The following HTR2C variants were observed in gnomAD, a reference collection of about 807,000 sequenced individuals.
The protein encoded by HTR2C is 5-hydroxytryptamine (serotonin) receptor 2C, G protein-coupled.
HTR2C carries 5 observed loss-of-function variants against 21.0 expected under a neutral mutation model. That is an observed-to-expected ratio of 0.24 (90% CI 0.12 to 0.50). The LOEUF (loss-of-function observed/expected upper bound fraction) is 0.50, where lower values mean the gene tolerates loss of function less well. Ranked by LOEUF, HTR2C falls within the 20% of genes least tolerant of loss-of-function variation. The probability of loss-of-function intolerance (pLI) is 0.98; values close to 1 mark genes in which losing one functional copy is unlikely to be tolerated. For missense variants in HTR2C, 271 were observed against 371.2 expected (o/e 0.73, Z 2.22); for synonymous variants, 150 against 145.3 (o/e 1.03, Z -0.23).
intron 1 of HTR2C, among the ~76,000 whole-genome samples, chrX:114,597,218 CAAAA>C (rs782280036): frequency 9.1e-5 from 4 of 44,167 alleles, no homozygotes; most frequent in African/African-American, 9.2e-5. Context: ...ATTTCATCTC[CAAAA>C]AAAAAAAAAA....
intron 4 of HTR2C, among the ~76,000 whole-genome samples, chrX:114,820,837 C>A (rs1556455993): frequency 9.0e-6 from 1 of 111,005 alleles, no homozygotes; most frequent in Non-Finnish European, 1.9e-5. Context: ...ATGTCTTTAG[C>A]AGTAGCATGA....
chrX:114,775,286 A>G, intron 4 of HTR2C: 5 of 524,609 alleles, frequency 9.5e-6, no homozygotes, highest in Non-Finnish European at 1.7e-5. Context: ...CTTTTCCTAC[A>G]CTCTTGTCCA....
intron 4 of HTR2C, among the ~76,000 whole-genome samples, chrX:114,833,001 A>T (rs375311009): frequency 4.0e-4 from 34 of 85,938 alleles, no homozygotes; most frequent in African/African-American, 1.2e-3. Flanking sequence ...CTGGATTACA[A>T]TTATTGATTT....
chrX:114,645,714 A>G (rs1195181502), intron 2 of HTR2C, among the ~76,000 whole-genome samples: 1 of 111,850 alleles, frequency 8.9e-6, no homozygotes. Context: ...AAAATGCAAA[A>G]GATTGTGGTG....
chrX:114,587,667 A>G (rs930526808), intron 1 of HTR2C, among the ~76,000 whole-genome samples: 2 of 111,953 alleles, frequency 1.8e-5, no homozygotes, highest in Non-Finnish European at 3.8e-5. Flanking sequence ...TTTCATCTAC[A>G]TATTGTACTG....
chrX:114,690,679 A>G (rs1401417995), intron 2 of HTR2C, among the ~76,000 whole-genome samples: 1 of 111,770 alleles, frequency 8.9e-6, no homozygotes. Context: ...CTGGGATAAT[A>G]GGGCAGGTGC....
At chrX:114,718,997 T>TATAATATA (rs1290899891) in intron 2 of HTR2C, among the ~76,000 whole-genome samples, 2 of 10,387 alleles carry the variant, frequency 1.9e-4, no homozygotes, top group Non-Finnish European at 3.2e-4. Context: ...AATAATATAA[T>TATAATATA]ATATAATAAT....
At chrX:114,688,315 C>A in intron 2 of HTR2C, among the ~76,000 whole-genome samples, 1 of 50,402 alleles carries the variant, frequency 2.0e-5, no homozygotes, top group Non-Finnish European at 3.8e-5. Flanking sequence ...AATGAGACTC[C>A]ATCTCAAAAA....
intron 2 of HTR2C, among the ~76,000 whole-genome samples, chrX:114,681,748 C>T (rs1173332866): frequency 1.8e-5 from 2 of 111,423 alleles, no homozygotes; most frequent in African/African-American, 6.5e-5. Context: ...CTTCTTTCTA[C>T]GATGTGAACT....
intron 2 of HTR2C, among the ~76,000 whole-genome samples, chrX:114,665,407 A>C (rs782083548): frequency 8.9e-6 from 1 of 112,189 alleles, no homozygotes; most frequent in Admixed American, 9.5e-5. Flanking sequence ...TAACAGAGTT[A>C]TAATTTAAAT....
chrX:114,868,482 G>A (rs891227945), intron 5 of HTR2C, among the ~76,000 whole-genome samples: 2 of 110,539 alleles, frequency 1.8e-5, no homozygotes, highest in African/African-American at 6.6e-5. Context: ...AGGCTAACCT[G>A]GTACTGCCGA....
intron 5 of HTR2C, among the ~76,000 whole-genome samples, chrX:114,861,168 G>A (rs979943089): frequency 9.0e-6 from 1 of 110,771 alleles, no homozygotes; most frequent in Non-Finnish European, 1.9e-5. Context: ...CTACTACTTT[G>A]TACTCTGACC....
chrX:114,891,233 C>T (rs2071256784), intron 5 of HTR2C, among the ~76,000 whole-genome samples: 1 of 110,993 alleles, frequency 9.0e-6, no homozygotes, highest in South Asian at 3.8e-4. Context: ...TTTTAAAATA[C>T]CTGTTTTCAC....
chrX:114,743,288 C>G (rs1432208338), intron 4 of HTR2C, among the ~76,000 whole-genome samples: 3 of 109,053 alleles, frequency 2.8e-5, no homozygotes, highest in Non-Finnish European at 3.8e-5. Context: ...AGTTCTAGAT[C>G]CCTGAGGAAT....
intron 1 of HTR2C, among the ~76,000 whole-genome samples, chrX:114,613,219 A>G (rs1234628071): frequency 1.8e-5 from 2 of 111,619 alleles, no homozygotes; most frequent in Non-Finnish European, 3.8e-5. Flanking sequence ...GATTACAGGC[A>G]TGAGCCACTG....
At position 114,862,293 on chromosome X, in the gene HTR2C, T is replaced by C. The variant is rs922193290; in HGVS notation, c.550+14090T>C. Among the ~76,000 whole-genome samples, 9 of 110,918 alleles carry C rather than the reference T, an allele frequency of 8.1e-5. No homozygotes were observed. In the South Asian group the frequency reaches 3.4e-3, roughly 42 times the overall value. ...CCTTGTCAAAAACAAATTGACAATT[T>C]GTGTTTGGATTTATCTCTGGGCTCT... On this transcript the variant is annotated intron_variant, in intron 5 of 5. Transcript: ENST00000276198.
chrX:114,683,224 G>A (rs891366933), intron 2 of HTR2C, among the ~76,000 whole-genome samples: 30 of 111,570 alleles, frequency 2.7e-4, no homozygotes, highest in African/African-American at 9.4e-4. Context: ...TACAACACTC[G>A]TTGAAAAATA....
chrX:114,601,716 C>A (rs1293743807), intron 1 of HTR2C, among the ~76,000 whole-genome samples: 1 of 107,422 alleles, frequency 9.3e-6, no homozygotes, highest in East Asian at 3.0e-4. Flanking sequence ...GGCTCAGAGG[C>A]CTGACATTCC....
intron 1 of HTR2C, among the ~76,000 whole-genome samples, chrX:114,599,739 T>C (rs781790393): frequency 8.9e-6 from 1 of 112,520 alleles, no homozygotes; most frequent in East Asian, 2.8e-4. Context: ...GATTTGAAAT[T>C]AAATTGAAAC....
Sources: gnomAD v4.1 joint callset for allele counts (sites outside exome capture counted in the v4.1 genomes callset) on GRCh38, gnomAD v4.1.1 for gene constraint, MANE v1.5 for transcripts, NCBI Gene and HGNC (gene_info 2026-07-23, HGNC 2026-07-21) for gene names.